FOXP1: variants seen among roughly 807,000 people sequenced by gnomAD.
The protein encoded by FOXP1 is forkhead box P1.
FOXP1 carries 15 observed loss-of-function variants against 98.2 expected under a neutral mutation model. The ratio of observed to expected loss-of-function variants is 0.15; its 90% CI spans 0.10 to 0.24. The LOEUF (loss-of-function observed/expected upper bound fraction) is 0.24, where lower values mean the gene tolerates loss of function less well. Among genes scored for constraint, FOXP1 ranks in the 10% least tolerant of loss-of-function variants. The pLI, the probability that FOXP1 is intolerant of heterozygous loss-of-function variation, is 1.00. For missense variants in FOXP1, 633 were observed against 848.5 expected, an observed-to-expected ratio of 0.75 and a Z score of 3.15; for synonymous variants, 371 against 314.5, an observed-to-expected ratio of 1.18 and a Z score of -1.90.
intron 6 of FOXP1, among the ~76,000 whole-genome samples, chr3:71,156,851 T>G (rs1246569150): frequency 1.3e-5 from 2 of 152,194 alleles, no homozygotes; most frequent in Non-Finnish European, 1.5e-5. Flanking sequence ...AAGGTGGGCC[T>G]CCTAGGCTGC....
chr3:71,476,740 G>A (rs1010230646), intron 3 of FOXP1, among the ~76,000 whole-genome samples: 2 of 150,730 alleles, frequency 1.3e-5, no homozygotes, highest in African/African-American at 2.4e-5. Context: ...CTGGCGTCAC[G>A]TGATCTGCCC....
intron 4 of FOXP1, among the ~76,000 whole-genome samples, chr3:71,313,713 G>C (rs1261349147): frequency 6.6e-6 from 1 of 151,502 alleles, no homozygotes; most frequent in South Asian, 2.1e-4. Context: ...TTTTAGTAGA[G>C]ACGGGGTTTC....
At chr3:71,059,810 T>G (rs991377805) in intron 7 of FOXP1, among the ~76,000 whole-genome samples, 7 of 152,152 alleles carry the variant, frequency 4.6e-5, no homozygotes, top group African/African-American at 1.7e-4. Context: ...TATCCACAGA[T>G]CTTTAGTTCT....
chr3:71,104,899 A>T (rs1281306307), intron 7 of FOXP1, among the ~76,000 whole-genome samples: 1 of 152,126 alleles, frequency 6.6e-6, no homozygotes, highest in Non-Finnish European at 1.5e-5. Context: ...TTAAATTCTA[A>T]CTCCCTATAC....
At chr3:71,144,880 C>T (rs1003736957) in intron 6 of FOXP1, among the ~76,000 whole-genome samples, 35 of 152,194 alleles carry the variant, frequency 2.3e-4, no homozygotes, top group African/African-American at 7.7e-4. Context: ...CTGATGGAGT[C>T]TCTATCACTG....
chr3:71,188,991 T>C (rs1040460281), intron 6 of FOXP1, among the ~76,000 whole-genome samples: 1 of 152,144 alleles, frequency 6.6e-6, no homozygotes, highest in African/African-American at 2.4e-5. Flanking sequence ...CTGCAAAATG[T>C]CCACATGGAA....
intron 2 of FOXP1, among the ~76,000 whole-genome samples, chr3:71,513,169 A>T (rs1166115227): frequency 1.3e-5 from 2 of 152,040 alleles, no homozygotes; most frequent in Non-Finnish European, 2.9e-5. Flanking sequence ...TCTCAGACTC[A>T]ACACGTCCAG....
chr3:71,257,134 A>G (rs1285505109), intron 5 of FOXP1, among the ~76,000 whole-genome samples: 1 of 152,232 alleles, frequency 6.6e-6, no homozygotes, highest in Non-Finnish European at 1.5e-5. Context: ...ATAATTCACA[A>G]TATTGTGATA....
intron 6 of FOXP1, 73 bp from the exon 7 acceptor site, chr3:71,112,710 AG>A (rs2058042893): frequency 8.8e-7 from 1 of 1,139,094 alleles, no homozygotes; most frequent in African/African-American, 1.5e-5. Context: ...AAAGGATTCC[AG>A]GAAGTGCGCT....
At chr3:71,573,682 A>T (rs1403305757) in intron 2 of FOXP1, 1 of 152,068 alleles carries the variant, frequency 6.6e-6, no homozygotes, top group Non-Finnish European at 1.5e-5. Context: ...GGACTGAACG[A>T]TTTTCTATTC....
intron 6 of FOXP1, among the ~76,000 whole-genome samples, chr3:71,137,388 T>A (rs1436938184): frequency 6.6e-6 from 1 of 152,204 alleles, no homozygotes; most frequent in Non-Finnish European, 1.5e-5. Context: ...CCATACGGTC[T>A]GAGATTTTTC....
Position 71,411,055 on chromosome 3 carries a change from T to C in FOXP1, c.-167-51811A>G, listed in dbSNP as rs1244667336. Among the ~76,000 whole-genome samples the C allele has an allele frequency of 2.6e-5, 4 of 152,326 alleles. No individual in the cohort carries two copies. In the East Asian group the frequency reaches 7.7e-4, roughly 29 times the overall value. ...ATGTTAGTCACATGCAAAGATGTAA[T>C]TGAATTAATCCACTCTCTACAGAGC... On this transcript the variant is annotated intron_variant, in intron 3 of 20. Coordinates refer to ENST00000649528, the MANE Select transcript of FOXP1 (RefSeq NM_001349338.3).
In FOXP1 at chr3:71,085,816, G is replaced by A. The variant is rs71298365; in HGVS notation, c.282+26720C>T. 1.3e-4 allele frequency among the ~76,000 whole-genome samples: 18 copies of A among 139,168 alleles called. No individual in the cohort carries two copies. The East Asian group carries it at 2.8e-3, about 21-fold the overall frequency. The allele number at this position is 139,168 out of a possible 152,430, so 91.3% of individuals were successfully genotyped here. ...GTGATCTTGGCTCACTGCAACCTCC[G>A]CCTCCTGGGTTCAAGCGATTCTCCT... On this transcript the variant is annotated intron_variant, in intron 7 of 20. Transcript: ENST00000649528.
intron 19 of FOXP1, chr3:70,968,603 G>C (rs577283292): frequency 6.6e-6 from 1 of 152,040 alleles, no homozygotes; most frequent in African/African-American, 2.4e-5. Context: ...GAAGCTTTAC[G>C]GTTACCCTTA....
intron 2 of FOXP1, among the ~76,000 whole-genome samples, chr3:71,578,220 G>A (rs925547942): frequency 1.5e-4 from 23 of 152,180 alleles, no homozygotes; most frequent in African/African-American, 5.6e-4. Flanking sequence ...TATCGGGAGA[G>A]CAAAGGGCAG....
intron 6 of FOXP1, among the ~76,000 whole-genome samples, chr3:71,131,339 T>G (rs1307014069): frequency 7.0e-6 from 1 of 143,556 alleles, no homozygotes. Flanking sequence ...AAAAGTAAAC[T>G]GCTGAAGGCA....
chr3:71,209,936 C>T (rs1394741239), intron 5 of FOXP1, among the ~76,000 whole-genome samples: 1 of 152,150 alleles, frequency 6.6e-6, no homozygotes, highest in African/African-American at 2.4e-5. Context: ...CTATATCTTA[C>T]ACTTATAATC....
At chr3:71,352,652 A>T (rs2077875074) in intron 4 of FOXP1, among the ~76,000 whole-genome samples, 2 of 152,112 alleles carry the variant, frequency 1.3e-5, no homozygotes, top group African/African-American at 4.8e-5. Context: ...AGTTACTATG[A>T]GTTAATAAAT....
intron 5 of FOXP1, among the ~76,000 whole-genome samples, chr3:71,247,709 CT>C (rs1204737491): frequency 2.0e-5 from 3 of 152,146 alleles, no homozygotes; most frequent in African/African-American, 7.2e-5. Flanking sequence ...CCTGATTTTT[CT>C]TTTGGGGAAA....
Sources: gnomAD v4.1 joint callset for allele counts (sites outside exome capture counted in the v4.1 genomes callset) on GRCh38, gnomAD v4.1.1 for gene constraint, MANE v1.5 for transcripts, NCBI Gene and HGNC (gene_info 2026-07-23, HGNC 2026-07-21) for gene names.